The following RBM5 variants were observed in gnomAD, a reference collection of about 807,000 sequenced individuals.
RBM5 encodes RNA binding motif protein 5, also known as RNA-binding protein 5.
In RBM5, 15 loss-of-function variants were observed where a neutral mutation model predicts 124.6. The observed-to-expected ratio is 0.12, with a 90% CI of 0.08 to 0.19. RBM5 has a LOEUF of 0.19. Ranked by LOEUF, RBM5 falls within the 10% of genes least tolerant of loss-of-function variation. The pLI, the probability that RBM5 is intolerant of heterozygous loss-of-function variation, is 1.00. For missense variants in RBM5, 580 were observed against 1,026.5 expected (o/e 0.57, Z 5.94); for synonymous variants, 337 against 361.2 (o/e 0.93, Z 0.76).
Position 50,118,576 on chromosome 3 carries a change from C to T in RBM5, c.*120C>T. The stretch of plus-strand genomic sequence containing the variant: ...GCTGTTAATAGATCTTAGGGTGAAC[C>T]ACTTCATTCTGCAGGGTTCTCCCTC... On this transcript the variant is annotated 3_prime_UTR_variant, in exon 25 of 25. Transcript: ENST00000347869. 1 of 1,396,518 alleles carries T rather than the reference C, an allele frequency of 7.2e-7. No homozygotes were observed. Among genetic ancestry groups the T allele is most frequent in the African/African-American group, 1.4e-5 (1 of 70,298 alleles). 86.5% of individuals were successfully genotyped at this position (1,396,518 alleles called of 1,614,324 possible). A position where few individuals can be genotyped will look rare whatever the true frequency, so the allele number is the denominator to read the frequency against.
intron 3 of RBM5, chr3:50,092,969 TTTG>T (rs2090733434): frequency 6.4e-6 from 1 of 156,320 alleles, no homozygotes; most frequent in African/African-American, 3.8e-5. Flanking sequence ...TTTTTTTTTT[TTTG>T]AGACAGCTTT....
At chr3:50,090,021 A>C (rs1181104958) in intron 1 of RBM5, 2 of 176,130 alleles carry the variant, frequency 1.1e-5, no homozygotes. Flanking sequence ...ACGGTCAACT[A>C]TCCCACGGAG....
chr3:50,093,478 G>T (rs1048217268), intron 3 of RBM5, among the ~76,000 whole-genome samples: 1 of 151,482 alleles, frequency 6.6e-6, no homozygotes, highest in Non-Finnish European at 1.5e-5. Context: ...GGCTGGGTGT[G>T]CCTATAATCC....
intron 1 of RBM5, 29 bp from the exon 2 acceptor site, chr3:50,090,353 T>G (rs2090682110): frequency 4.7e-6 from 7 of 1,483,982 alleles, no homozygotes; most frequent in Admixed American, 3.5e-5. Flanking sequence ...CTCTGAGATT[T>G]ATAGCAATTA....
chr3:50,097,970 T>C (rs1231415343), intron 4 of RBM5, among the ~76,000 whole-genome samples: 2 of 152,018 alleles, frequency 1.3e-5, no homozygotes, highest in African/African-American at 4.8e-5. Context: ...TGTGGCGACA[T>C]GCGCCTGTAG....
intron 4 of RBM5, among the ~76,000 whole-genome samples, chr3:50,098,429 G>A (rs1304643602): frequency 6.6e-6 from 1 of 151,700 alleles, no homozygotes; most frequent in East Asian, 2.0e-4. Flanking sequence ...CATCATGCTT[G>A]GGTAATTTTT....
At position 50,107,577 on chromosome 3, in the gene RBM5, C is replaced by T. The variant is rs374315579; in HGVS notation, c.1041+8C>T. ...CAGTGGTCATCCACCCAGGTAAGATCGAGGATCTTTTTGCTCAAGGTAGTG... is the reference window on the plus strand; with the variant it reads ...CAGTGGTCATCCACCCAGGTAAGATTGAGGATCTTTTTGCTCAAGGTAGTG... On this transcript the variant is annotated splice_region_variant and intron_variant, in intron 12 of 24. Transcript: ENST00000347869. 26 of 1,585,046 alleles carry T rather than the reference C, an allele frequency of 1.6e-5. No individual in the cohort carries two copies. The highest frequency in any genetic ancestry group is 1.7e-4 in the Middle Eastern group (1 of 5,966).
intron 15 of RBM5, 97 bp from the exon 16 acceptor site, chr3:50,110,282 C>G (rs2091119168): frequency 1.0e-6 from 1 of 987,674 alleles, no homozygotes. Flanking sequence ...TACAGTGTGT[C>G]TGTCAGGGGA....
At position 50,107,513 on chromosome 3, in the gene RBM5, A is replaced by G; in HGVS notation, c.985A>G (p.Ser329Gly). ...GGTCCTCTCAGATGGTAACCGCGTC[A>G]GCGCTTTCTCTGTAGCTAGTACGGC... ...DLVLSDGNRVSAFSVASTAIA... is the reference protein window; with the variant it reads ...DLVLSDGNRVGAFSVASTAIA... Residue 329 changes from serine to glycine, a missense_variant, in exon 12 of 25, where the codon AGC becomes GGC. Physicochemically the swap from Ser to Gly is moderately conservative, Grantham distance 56. This residue lies in a region of RBM5 where 42 missense variants were observed against 101.1 expected (regional missense o/e 0.42). Coordinates refer to ENST00000347869, the MANE Select transcript of RBM5 (RefSeq NM_005778.4). 1 of 1,609,094 alleles carries G rather than the reference A, an allele frequency of 6.2e-7. No homozygotes were observed. The highest frequency in any genetic ancestry group is 8.5e-7 in the Non-Finnish European group (1 of 1,175,534).
At chr3:50,115,732 C>A in intron 21 of RBM5, 125 bp downstream of exon 21, 1 of 1,288,626 alleles carries the variant, frequency 7.8e-7, no homozygotes, top group Admixed American at 2.2e-5. Context: ...GAAAGCTGTT[C>A]CCGATGACAG....
intron 4 of RBM5, chr3:50,099,575 G>A (rs773073982): frequency 3.2e-5 from 5 of 156,192 alleles, no homozygotes; most frequent in Non-Finnish European, 7.1e-5. Context: ...GTGGATGCCT[G>A]TAATCCCAGC....
At chr3:50,108,175 T>A (rs748279766) in intron 13 of RBM5, 28 bp downstream of exon 13, 1 of 1,602,348 alleles carries the variant, frequency 6.2e-7, no homozygotes, top group Non-Finnish European at 8.6e-7. Flanking sequence ...GCATCCACCT[T>A]ATAGTCTTGC....
chr3:50,097,759 GA>G (rs1353718563), intron 4 of RBM5, among the ~76,000 whole-genome samples: 4 of 152,130 alleles, frequency 2.6e-5, no homozygotes, highest in Admixed American at 2.6e-4. Flanking sequence ...GATGAACTTT[GA>G]AAATTTTTAC....
rs2091300439 is a variant in RBM5, at chr3:50,118,520, T to TA, written c.*65dup. On this transcript the variant is annotated 3_prime_UTR_variant, in exon 25 of 25. Coordinates refer to ENST00000347869, the MANE Select transcript of RBM5 (RefSeq NM_005778.4). The stretch of plus-strand genomic sequence containing the variant: ...GTGGTCCATCTCCCGAATTCGCTGT[T>TA]ACCGCCTGTCTCTTTAAGGGCATGC... 1.3e-6 allele frequency: 2 copies of TA among 1,565,898 alleles called. No individual in the cohort carries two copies. The highest frequency in any genetic ancestry group is 2.3e-5 in the East Asian group (1 of 43,340).
Position 50,107,512 on chromosome 3 carries a change from C to G in RBM5, c.984C>G (p.Val328=). The change falls in exon 12 of 25, where the codon GTC becomes GTG. Residue 328 remains valine, a synonymous_variant. Transcript: ENST00000347869. ...KDLVLSDGNR[V]SAFSVASTAI... ...TGGTCCTCTCAGATGGTAACCGCGT[C>G]AGCGCTTTCTCTGTAGCTAGTACGG... 1.2e-6 allele frequency: 2 copies of G among 1,608,782 alleles called. No homozygotes were observed. Among genetic ancestry groups the G allele is most frequent in the Non-Finnish European group, 1.7e-6 (2 of 1,175,324 alleles).
At chr3:50,105,036 C>T (rs1220171537) in intron 8 of RBM5, 41 bp from the exon 9 acceptor site, 1 of 1,366,706 alleles carries the variant, frequency 7.3e-7, no homozygotes, top group South Asian at 1.2e-5. Context: ...GGTGAAAATA[C>T]ATTAGTTGTT....
chr3:50,101,866 C>T (rs964938459), intron 6 of RBM5: 5 of 152,186 alleles, frequency 3.3e-5, no homozygotes, highest in African/African-American at 1.2e-4. Flanking sequence ...TGGAGTCTCC[C>T]AGCACACATC....
rs2091282409 is a variant in RBM5, at chr3:50,117,703, C to A, written c.2322+324C>A. 1 of 225,132 alleles carries A rather than the reference C, an allele frequency of 4.4e-6. No homozygotes were observed. Among genetic ancestry groups the A allele is most frequent in the South Asian group, 7.9e-5 (1 of 12,666 alleles). The allele number at this position is 225,132 out of a possible 1,614,324, so 13.9% of individuals were successfully genotyped here. ...AGCTGAGGCAGGAGAATTGCTAGAA[C>A]CTGGCAGGAGGAGGTTGCAGTGAGC... On this transcript the variant is annotated intron_variant, in intron 24 of 24. Transcript: ENST00000347869. The surrounding 1 kb of genome is among the most constrained non-coding windows in gnomAD (Gnocchi z 4.2).
At position 50,116,272 on chromosome 3, in the gene RBM5, G is replaced by A. The variant is rs2091251479; in HGVS notation, c.2094+292G>A. On this transcript the variant is annotated intron_variant, in intron 22 of 24. Coordinates refer to ENST00000347869, the MANE Select transcript of RBM5 (RefSeq NM_005778.4). ...GCTGGATTTTGTTATGGAGAGAGTG[G>A]TCTAGTTTGGCCTGGCCAGGGAAGC... 1.1e-5 allele frequency: 4 copies of A among 357,840 alleles called. No homozygotes were observed. In the South Asian group the frequency reaches 1.4e-4, roughly 13 times the overall value. 22.2% of individuals were successfully genotyped at this position (357,840 alleles called of 1,614,324 possible). A position where few individuals can be genotyped will look rare whatever the true frequency, so the allele number is the denominator to read the frequency against.
Sources: allele counts gnomAD v4.1 joint callset (sites outside exome capture counted in the v4.1 genomes callset), GRCh38; gene constraint gnomAD v4.1.1; regional missense constraint gnomAD v4.1.1; non-coding constraint Gnocchi (gnomAD v3.1); transcripts MANE v1.5; gene names NCBI Gene and HGNC (gene_info 2026-07-23, HGNC 2026-07-21).